SKAP2: variants seen among roughly 807,000 people sequenced by gnomAD.
SKAP2 encodes src kinase-associated phosphoprotein 2.
A neutral mutation model predicts 54.9 loss-of-function variants in SKAP2; 28 were observed. The ratio of observed to expected loss-of-function variants is 0.51; its 90% CI spans 0.38 to 0.70. The LOEUF (loss-of-function observed/expected upper bound fraction) is 0.70, where lower values mean the gene tolerates loss of function less well. Among genes scored for constraint, SKAP2 ranks in the 30% least tolerant of loss-of-function variants. SKAP2 has a pLI of 0.00. For synonymous variants in SKAP2, 137 were observed against 134.3 expected (o/e 1.02, Z -0.14); for missense variants, 356 against 424.1 (o/e 0.84, Z 1.41).
intron 4 of SKAP2, among the ~76,000 whole-genome samples, chr7:26,789,446 C>T (rs955505393): frequency 2.6e-5 from 4 of 152,132 alleles, no homozygotes; most frequent in East Asian, 3.8e-4. Context: ...TTTAAGTTGA[C>T]GTACAATGCA....
At chr7:26,739,695 T>C (rs1782387294) in intron 5 of SKAP2, among the ~76,000 whole-genome samples, 192 bp downstream of exon 5, 1 of 152,224 alleles carries the variant, frequency 6.6e-6, no homozygotes, top group Non-Finnish European at 1.5e-5. Flanking sequence ...CCTAACCTAA[T>C]GTTTTCTTAT....
chr7:26,804,177 G>C (rs1562617209), intron 4 of SKAP2, among the ~76,000 whole-genome samples: 1 of 152,112 alleles, frequency 6.6e-6, no homozygotes, highest in Non-Finnish European at 1.5e-5. Flanking sequence ...CATGCTCCAT[G>C]ATGTGCCTAT....
At chr7:26,739,749 A>G in intron 5 of SKAP2, 138 bp downstream of exon 5, 2 of 610,292 alleles carry the variant, frequency 3.3e-6, no homozygotes, top group South Asian at 2.0e-5. Context: ...TGGTTTGGAT[A>G]ATGTCATCCA....
intron 3 of SKAP2, among the ~76,000 whole-genome samples, chr7:26,849,113 G>A (rs1467004715): frequency 1.3e-5 from 2 of 152,110 alleles, no homozygotes; most frequent in Non-Finnish European, 2.9e-5. Flanking sequence ...CACTATGTTA[G>A]GAAGGGTTAA....
chr7:26,708,798 A>G (rs190056067), intron 9 of SKAP2, among the ~76,000 whole-genome samples: 35 of 152,318 alleles, frequency 2.3e-4, no homozygotes, highest in Admixed American at 2.2e-3. Flanking sequence ...TAATTAATAA[A>G]TTCTGAGTCA....
chr7:26,677,451 A>G (rs954395931), intron 11 of SKAP2, among the ~76,000 whole-genome samples: 8 of 151,266 alleles, frequency 5.3e-5, no homozygotes, highest in Admixed American at 2.0e-4. Flanking sequence ...TATTGGCTCT[A>G]TGCTCCCCTT....
intron 4 of SKAP2, among the ~76,000 whole-genome samples, chr7:26,835,844 T>C (rs1784696781): frequency 6.6e-6 from 1 of 152,284 alleles, no homozygotes; most frequent in South Asian, 2.1e-4. Flanking sequence ...AAAACTACTT[T>C]AAATTTCATA....
At chr7:26,814,856 TA>T (rs960423943) in intron 4 of SKAP2, among the ~76,000 whole-genome samples, 8 of 152,086 alleles carry the variant, frequency 5.3e-5, no homozygotes, top group Non-Finnish European at 1.0e-4. Context: ...TTCAAGAGTT[TA>T]AAAAAATTAT....
At chr7:26,679,259 T>C (rs906875289) in intron 11 of SKAP2, among the ~76,000 whole-genome samples, 4 of 152,236 alleles carry the variant, frequency 2.6e-5, no homozygotes, top group Admixed American at 2.6e-4. Flanking sequence ...CCAACATTTT[T>C]CTGGAATGTT....
At chr7:26,684,699 C>T (rs1329820925) in intron 11 of SKAP2, 37 bp downstream of exon 11, 4 of 1,317,308 alleles carry the variant, frequency 3.0e-6, no homozygotes, top group Admixed American at 3.4e-5. Context: ...GCTTTGTATT[C>T]CCTCTTTACA....
chr7:26,756,126 G>A (rs1032437255), intron 4 of SKAP2, among the ~76,000 whole-genome samples: 2 of 152,272 alleles, frequency 1.3e-5, no homozygotes, highest in South Asian at 2.1e-4. Flanking sequence ...ATACTTGGTT[G>A]AAAAACACAA....
chr7:26,659,634 ATGC>A, the SKAP2 span, among the ~76,000 whole-genome samples: 5 of 152,148 alleles, frequency 3.3e-5, no homozygotes, highest in African/African-American at 9.7e-5. Flanking sequence ...TTTCTGGGCA[ATGC>A]GGCAGGTTCA....
intron 4 of SKAP2, among the ~76,000 whole-genome samples, chr7:26,764,400 A>G (rs1783000029): frequency 6.6e-6 from 1 of 152,182 alleles, no homozygotes; most frequent in South Asian, 2.1e-4. Context: ...GCGTTCCTAG[A>G]CGATTCAATC....
At chr7:26,786,149 A>G (rs1307186793) in intron 4 of SKAP2, among the ~76,000 whole-genome samples, 1 of 152,212 alleles carries the variant, frequency 6.6e-6, no homozygotes, top group African/African-American at 2.4e-5. Context: ...AATTCTATAC[A>G]AACTATTTGG....
chr7:26,820,428 C>T (rs907224481), intron 4 of SKAP2, among the ~76,000 whole-genome samples: 14 of 146,996 alleles, frequency 9.5e-5, no homozygotes, highest in Non-Finnish European at 1.7e-4. Flanking sequence ...AGAATGAAAT[C>T]ATTTGAAATT....
At chr7:26,835,350 A>C (rs1784685067) in intron 4 of SKAP2, among the ~76,000 whole-genome samples, 1 of 152,174 alleles carries the variant, frequency 6.6e-6, no homozygotes, top group Non-Finnish European at 1.5e-5. Context: ...TGGTCAGGGC[A>C]ATCAGGCAAG....
At chr7:26,686,838 C>A (rs1438223839) in intron 10 of SKAP2, among the ~76,000 whole-genome samples, 2 of 152,168 alleles carry the variant, frequency 1.3e-5, no homozygotes, top group Non-Finnish European at 2.9e-5. Context: ...GGCCCTCCCC[C>A]ACAGTAACTG....
At chr7:26,837,583 T>A (rs1020623462) in intron 4 of SKAP2, among the ~76,000 whole-genome samples, 1 of 152,108 alleles carries the variant, frequency 6.6e-6, no homozygotes, top group Non-Finnish European at 1.5e-5. Context: ...CACGAGGCCA[T>A]GAGGGATTTG....
chr7:26,662,648 C>A (rs780295716), downstream of SKAP2, among the ~76,000 whole-genome samples: 2 of 152,138 alleles, frequency 1.3e-5, no homozygotes, highest in African/African-American at 2.4e-5. Context: ...AGAAAAATAG[C>A]AAGCCCTGAG....
Sources: allele counts gnomAD v4.1 joint callset (sites outside exome capture counted in the v4.1 genomes callset), GRCh38; gene constraint gnomAD v4.1.1; transcripts MANE v1.5; gene names NCBI Gene and HGNC (gene_info 2026-07-23, HGNC 2026-07-21).